MSH3: variants seen among roughly 807,000 people sequenced by gnomAD.
The protein encoded by MSH3 is DNA mismatch repair protein Msh3.
MSH3 carries 106 observed loss-of-function variants against 123.3 expected under a neutral mutation model. The ratio of observed to expected loss-of-function variants is 0.86; its 90% CI spans 0.73 to 1.01. The LOEUF (loss-of-function observed/expected upper bound fraction) is 1.01, where lower values mean the gene tolerates loss of function less well. MSH3 is among the 50% of genes least tolerant of loss of function. The probability of loss-of-function intolerance (pLI) is 0.00; values close to 1 mark genes in which losing one functional copy is unlikely to be tolerated. For missense variants in MSH3, 1,459 were observed against 1,347.6 expected, an observed-to-expected ratio of 1.08 and a Z score of -1.29; for synonymous variants, 515 against 481.4, an observed-to-expected ratio of 1.07 and a Z score of -0.91.
intron 20 of MSH3, among the ~76,000 whole-genome samples, chr5:80,815,318 C>T (rs114502437): frequency 1.0e-3 from 154 of 150,022 alleles, no homozygotes; most frequent in African/African-American, 3.7e-3. Context: ...AAAAACAAAC[C>T]AGGTATTTTA....
Position 80,793,184 on chromosome 5 carries a change from A to T in MSH3, c.2655+340A>T, listed in dbSNP as rs188098984. Among the ~76,000 whole-genome samples, 77 of 152,334 alleles carry T rather than the reference A, an allele frequency of 5.1e-4. 1 individual carries two copies. Among genetic ancestry groups the T allele is most frequent in the Non-Finnish European group, 7.3e-5 (5 of 68,030 alleles). On this transcript the variant is annotated intron_variant, in intron 19 of 23. Transcript: ENST00000265081. The stretch of plus-strand genomic sequence containing the variant: ...TAGCATGTAGTGTTCCATCCTTTGT[A>T]CTGTGACTATTTTCAGATATTCTAT...
At chr5:80,707,739 C>A (rs1033068925) in intron 8 of MSH3, among the ~76,000 whole-genome samples, 8 of 152,134 alleles carry the variant, frequency 5.3e-5, no homozygotes, top group Non-Finnish European at 1.0e-4. Context: ...CTCAAAAAAA[C>A]AAAACAAAAA....
intron 8 of MSH3, among the ~76,000 whole-genome samples, chr5:80,720,490 T>C (rs1467533581): frequency 1.3e-5 from 2 of 152,072 alleles, no homozygotes; most frequent in Non-Finnish European, 2.9e-5. Context: ...CTGCTTCTTA[T>C]CTTTATTATC....
intron 12 of MSH3, among the ~76,000 whole-genome samples, chr5:80,759,900 G>A (rs1027908115): frequency 3.3e-5 from 5 of 152,108 alleles, no homozygotes; most frequent in Admixed American, 6.5e-5. Flanking sequence ...ACTAACAAAT[G>A]GTCCTTCTGC....
At chr5:80,762,244 A>G (rs1744047677) in intron 13 of MSH3, among the ~76,000 whole-genome samples, 1 of 152,186 alleles carries the variant, frequency 6.6e-6, no homozygotes, top group East Asian at 1.9e-4. Context: ...AAATATGCCT[A>G]AAATTAAAAA....
rs41545019 is a variant in MSH3, at chr5:80,813,660, T to G, written c.2732T>G (p.Leu911Trp). 4,800 of 1,614,168 alleles carry G rather than the reference T, an allele frequency of 3.0e-3. 7 individuals are homozygous for G. The highest frequency in any genetic ancestry group is 3.5e-3 in the Non-Finnish European group (4,159 of 1,180,010). The change falls in exon 20 of 24, where the codon TTG (leucine) becomes TGG (tryptophan). Residue 911 changes from leucine to tryptophan, a missense_variant. Leu to Trp is a moderately conservative substitution (Grantham distance 61). Transcript: ENST00000265081. ...GKSSYIKQVA[L>W]ITIMAQIGSY... The stretch of plus-strand genomic sequence containing the variant: ...AGCTCCTACATAAAACAAGTTGCAT[T>G]GATTACCATCATGGCTCAGATTGGC...
At chr5:80,797,699 T>C (rs1289402497) in intron 19 of MSH3, among the ~76,000 whole-genome samples, 2 of 152,192 alleles carry the variant, frequency 1.3e-5, no homozygotes, top group African/African-American at 4.8e-5. Context: ...CCTTTTTCAC[T>C]TTGCATCACA....
intron 8 of MSH3, among the ~76,000 whole-genome samples, chr5:80,719,341 C>T (rs756997607): frequency 7.2e-5 from 11 of 152,180 alleles, no homozygotes; most frequent in South Asian, 6.2e-4. Flanking sequence ...CCACTGTACC[C>T]GGCCAGGAAA....
At chr5:80,673,116 G>T (rs1398348394) in intron 6 of MSH3, among the ~76,000 whole-genome samples, 1 of 152,198 alleles carries the variant, frequency 6.6e-6, no homozygotes, top group East Asian at 1.9e-4. Context: ...CCTAATAAAA[G>T]ACGATGTCAG....
intron 4 of MSH3, among the ~76,000 whole-genome samples, chr5:80,671,016 A>G (rs529267360): frequency 6.6e-6 from 1 of 152,112 alleles, no homozygotes; most frequent in South Asian, 2.1e-4. Context: ...CCAGCTCCTC[A>G]GGAGGCTGAG....
chr5:80,754,367 T>A (rs896582228), intron 12 of MSH3, among the ~76,000 whole-genome samples: 1 of 152,160 alleles, frequency 6.6e-6, no homozygotes, highest in South Asian at 2.1e-4. Flanking sequence ...CTTGGCTGTT[T>A]TCCCTTAGTA....
chr5:80,824,298 A>C (rs1359594538), intron 20 of MSH3, among the ~76,000 whole-genome samples: 1 of 151,486 alleles, frequency 6.6e-6, no homozygotes, highest in Non-Finnish European at 1.5e-5. Flanking sequence ...CACCTCCCGG[A>C]CGGGGTGGCG....
chr5:80,873,429 A>C, intron 23 of MSH3, 142 bp downstream of exon 23: 3 of 799,562 alleles, frequency 3.8e-6, no homozygotes, highest in Non-Finnish European at 6.0e-6. Flanking sequence ...ATTATGATGA[A>C]GTGAAAACAG....
rs567752570 is a variant in MSH3 at position 80,661,805 on chromosome 5, G to C, written c.359-3338G>C. ...GTATTTCTTTAGAGTGTTGGACTCT[G>C]TTCTGGCAAGCAATTAAATTCCTTT... On this transcript the variant is annotated intron_variant, in intron 2 of 23. Coordinates refer to ENST00000265081, the MANE Select transcript of MSH3 (RefSeq NM_002439.5). Among the ~76,000 whole-genome samples, 5 of 152,292 alleles carry C rather than the reference G, an allele frequency of 3.3e-5. No homozygotes were observed. The East Asian group carries it at 5.8e-4, about 18-fold the overall frequency.
At chr5:80,697,994 A>AC (rs545284460) in intron 8 of MSH3, among the ~76,000 whole-genome samples, 3 of 151,846 alleles carry the variant, frequency 2.0e-5, no homozygotes, top group Admixed American at 1.3e-4. Context: ...TGTAGCCTTG[A>AC]CCCCCCAGGC....
At chr5:80,711,869 G>A (rs3776970) in intron 8 of MSH3, among the ~76,000 whole-genome samples, 11,464 of 152,122 alleles carry the variant, frequency 0.075, 833 homozygotes, top group East Asian at 0.33. Context: ...GGCCAGGCTC[G>A]TGTTGAACTC....
intron 8 of MSH3, among the ~76,000 whole-genome samples, chr5:80,718,756 A>G (rs1751015210): frequency 6.6e-6 from 1 of 151,984 alleles, no homozygotes; most frequent in African/African-American, 2.4e-5. Flanking sequence ...ATTGATACTC[A>G]GTAGTGATGA....
intron 21 of MSH3, among the ~76,000 whole-genome samples, chr5:80,864,248 C>T (rs1323651520): frequency 6.6e-6 from 1 of 152,162 alleles, no homozygotes; most frequent in Non-Finnish European, 1.5e-5. Context: ...TTAGTCCTCA[C>T]TGGCAATGAT....
At chr5:80,731,425 C>G (rs1392616644) in intron 10 of MSH3, among the ~76,000 whole-genome samples, 1 of 152,060 alleles carries the variant, frequency 6.6e-6, no homozygotes, top group African/African-American at 2.4e-5. Flanking sequence ...TTGGGTACTT[C>G]CATGGAGCCA....
Sources: allele counts gnomAD v4.1 joint callset (sites outside exome capture counted in the v4.1 genomes callset), GRCh38; gene constraint gnomAD v4.1.1; transcripts MANE v1.5; gene names NCBI Gene and HGNC (gene_info 2026-07-23, HGNC 2026-07-21).